The following NRXN3 variants were observed in gnomAD, a reference collection of about 807,000 sequenced individuals.
NRXN3 encodes neurexin III.
NRXN3 carries 32 observed loss-of-function variants against 137.6 expected under a neutral mutation model. The observed-to-expected ratio is 0.23, with a 90% CI of 0.18 to 0.31. NRXN3 has a LOEUF of 0.31. Ranked by LOEUF, NRXN3 falls within the 10% of genes least tolerant of loss-of-function variation. The pLI, the probability that NRXN3 is intolerant of heterozygous loss-of-function variation, is 1.00. For missense variants in NRXN3, 1,574 were observed against 2,062.5 expected (o/e 0.76, Z 4.59); for synonymous variants, 798 against 784.5 (o/e 1.02, Z -0.29).
chr14:79,356,047 TTCC>T (rs1202473100), intron 15 of NRXN3, among the ~76,000 whole-genome samples: 2 of 152,198 alleles, frequency 1.3e-5, no homozygotes, highest in African/African-American at 4.8e-5. Context: ...GCTAATATTT[TTCC>T]TCCTATTAAT....
intron 10 of NRXN3, among the ~76,000 whole-genome samples, chr14:78,812,908 C>A (rs1262385676): frequency 6.6e-6 from 1 of 152,120 alleles, no homozygotes; most frequent in African/African-American, 2.4e-5. Context: ...CAATGGTTGA[C>A]CAGTGTTTGA....
At chr14:79,519,769 T>TC (rs1491194680) in intron 16 of NRXN3, among the ~76,000 whole-genome samples, 1 of 56,454 alleles carries the variant, frequency 1.8e-5, no homozygotes, top group Non-Finnish European at 2.7e-5. Context: ...ATAGTATTTC[T>TC]TTTTTTTTTT....
At chr14:79,855,858 T>G (rs1015932472) in intron 20 of NRXN3, among the ~76,000 whole-genome samples, 28 of 152,282 alleles carry the variant, frequency 1.8e-4, no homozygotes, top group African/African-American at 6.7e-4. Context: ...AGGTAGGGTA[T>G]TTTATTATTC....
chr14:78,599,801 G>A (rs1449623065), intron 4 of NRXN3, among the ~76,000 whole-genome samples: 2 of 152,194 alleles, frequency 1.3e-5, no homozygotes, highest in Non-Finnish European at 2.9e-5. Flanking sequence ...GCTGGGACAG[G>A]GTTAAATGGA....
chr14:79,418,945 TG>T (rs1428527197), intron 15 of NRXN3, among the ~76,000 whole-genome samples: 1 of 152,080 alleles, frequency 6.6e-6, no homozygotes, highest in African/African-American at 2.4e-5. Flanking sequence ...GTGTTAACTA[TG>T]GGCAAAAAAG....
chr14:79,453,838 T>C (rs909578918), intron 15 of NRXN3, among the ~76,000 whole-genome samples: 1 of 152,182 alleles, frequency 6.6e-6, no homozygotes, highest in African/African-American at 2.4e-5. Flanking sequence ...GCTTTTATTC[T>C]TCATGTCTTT....
intron 15 of NRXN3, among the ~76,000 whole-genome samples, chr14:79,345,472 A>G (rs1325955116): frequency 6.6e-6 from 1 of 152,176 alleles, no homozygotes; most frequent in African/African-American, 2.4e-5. Flanking sequence ...GTTTTGAGAA[A>G]AGCCAGACTA....
intron 15 of NRXN3, among the ~76,000 whole-genome samples, chr14:79,041,625 T>C (rs2099625161): frequency 6.6e-6 from 1 of 152,174 alleles, no homozygotes; most frequent in South Asian, 2.1e-4. Flanking sequence ...AATGTGAACT[T>C]AACCTCTTCT....
chr14:79,141,176 A>G (rs1289604401), intron 15 of NRXN3, among the ~76,000 whole-genome samples: 1 of 152,162 alleles, frequency 6.6e-6, no homozygotes. Context: ...TGATATGACA[A>G]CACAGCTCAT....
At chr14:79,438,718 A>G (rs2095882519) in intron 15 of NRXN3, among the ~76,000 whole-genome samples, 1 of 152,262 alleles carries the variant, frequency 6.6e-6, no homozygotes, top group South Asian at 2.1e-4. Flanking sequence ...GGGAATGTGA[A>G]ATAAAAACTG....
chr14:78,941,277 A>T (rs1164139952), intron 10 of NRXN3, among the ~76,000 whole-genome samples: 3 of 152,192 alleles, frequency 2.0e-5, no homozygotes, highest in Non-Finnish European at 4.4e-5. Context: ...TCTCACAGAC[A>T]TTACAAGCTT....
intron 16 of NRXN3, among the ~76,000 whole-genome samples, chr14:79,512,221 T>C (rs1175222455): frequency 6.6e-6 from 1 of 152,182 alleles, no homozygotes; most frequent in Non-Finnish European, 1.5e-5. Context: ...GATGTATCAA[T>C]TGTAGCTTAC....
At chr14:79,702,031 C>T (rs2098756453) in intron 19 of NRXN3, among the ~76,000 whole-genome samples, 2 of 152,094 alleles carry the variant, frequency 1.3e-5, no homozygotes, top group Admixed American at 1.3e-4. Flanking sequence ...GCTGTGACTA[C>T]CGACAGTAGT....
chr14:78,880,137 G>C lies in NRXN3; in HGVS notation c.2275+69793G>C, dbSNP rs1028424170. On this transcript the variant is annotated intron_variant, in intron 10 of 20. Coordinates refer to ENST00000335750, the MANE Select transcript of NRXN3 (RefSeq NM_001330195.2). ...CGCCTGTAGTCCCAGCTACTTGGGA[G>C]GCTGAGGCAGGAGAATGGCATGAAC... Among the ~76,000 whole-genome samples the C allele has an allele frequency of 1.6e-4, 23 of 146,100 alleles. 1 individual carries two copies. Among genetic ancestry groups the C allele is most frequent in the African/African-American group, 5.9e-4 (22 of 37,406 alleles).
chr14:78,382,665 G>C (rs920261016), intron 4 of NRXN3, among the ~76,000 whole-genome samples: 1 of 152,100 alleles, frequency 6.6e-6, no homozygotes, highest in African/African-American at 2.4e-5. Flanking sequence ...TGCAGATCCC[G>C]CTATCCATTT....
intron 8 of NRXN3, among the ~76,000 whole-genome samples, chr14:78,795,516 TCAGA>T (rs538258127): frequency 1.1e-4 from 17 of 152,160 alleles, no homozygotes; most frequent in African/African-American, 3.9e-4. Context: ...AAGTAAACAA[TCAGA>T]CAGTAAAAGC....
At chr14:78,296,778 AAATCTCTAGT>A (rs1366276309) in intron 3 of NRXN3, among the ~76,000 whole-genome samples, 4 of 152,132 alleles carry the variant, frequency 2.6e-5, no homozygotes, top group African/African-American at 9.7e-5. Flanking sequence ...TTACTTTTCT[AAATCTCTAGT>A]AATCTCTAAA....
chr14:79,299,061 C>A (rs1482452246), intron 15 of NRXN3, among the ~76,000 whole-genome samples: 3 of 152,148 alleles, frequency 2.0e-5, no homozygotes, highest in Non-Finnish European at 4.4e-5. Flanking sequence ...ACATTTTTAT[C>A]TTGATTTAGA....
intron 15 of NRXN3, among the ~76,000 whole-genome samples, chr14:79,204,918 T>C (rs956220691): frequency 2.0e-5 from 3 of 152,188 alleles, no homozygotes; most frequent in Non-Finnish European, 2.9e-5. Context: ...TTTGATTGTG[T>C]TGGTTGCTTC....
Sources: gnomAD v4.1 joint callset for allele counts (sites outside exome capture counted in the v4.1 genomes callset) on GRCh38, gnomAD v4.1.1 for gene constraint, MANE v1.5 for transcripts, NCBI Gene and HGNC (gene_info 2026-07-23, HGNC 2026-07-21) for gene names.